Variants in ATG9B observed in about 807,000 individuals in gnomAD.
ATG9B encodes autophagy-related protein 9B.
ATG9B carries 92 observed loss-of-function variants against 92.9 expected under a neutral mutation model. That is an observed-to-expected ratio of 0.99 (90% confidence interval 0.84 to 1.18). The LOEUF (loss-of-function observed/expected upper bound fraction) is 1.18. Among genes scored for constraint, ATG9B ranks in the 50% most tolerant of loss-of-function variants. ATG9B has a pLI of 0.00. For missense variants in ATG9B, 1,344 were observed against 1,235.0 expected, an observed-to-expected ratio of 1.09 and a Z score of -1.32; for synonymous variants, 599 against 551.4, an observed-to-expected ratio of 1.09 and a Z score of -1.21.
downstream of ATG9B, chr7:151,012,631 G>A (rs1408393393): frequency 2.4e-6 from 2 of 830,324 alleles, no homozygotes; most frequent in Non-Finnish European, 3.6e-6. Flanking sequence ...GGTACCAAAG[G>A]CAAGGGCTGG....
intron 4 of ATG9B, among the ~76,000 whole-genome samples, 159 bp downstream of exon 4, chr7:151,022,866 TTTAAGTACAACTTAATACAC>T (rs1795801637): frequency 6.6e-6 from 1 of 151,434 alleles, no homozygotes; most frequent in African/African-American, 2.5e-5. Context: ...CTTAATACAC[TTTAAGTACAACTTAATACAC>T]TTAAGTACAA....
chr7:151,017,470 C>T (rs1795548643), intron 8 of ATG9B, among the ~76,000 whole-genome samples, 198 bp from the exon 9 acceptor site: 1 of 152,144 alleles, frequency 6.6e-6, no homozygotes, highest in Non-Finnish European at 1.5e-5. Flanking sequence ...ATTGCCAGCT[C>T]GGGGATAGGG....
rs1314142300 is a variant in ATG9B at position 151,017,166 on chromosome 7, G to A, written c.2159C>T (p.Pro720Leu). 1 of 1,613,190 alleles carries A rather than the reference G, an allele frequency of 6.2e-7. No individual in the cohort carries two copies. Among genetic ancestry groups the A allele is most frequent in the Non-Finnish European group, 8.5e-7 (1 of 1,179,832 alleles). Residue 720 changes from proline (P) to leucine (L), a missense_variant, in exon 9 of 14, where the codon CCC (proline) becomes CTC (leucine). Coordinates refer to ENST00000639579, the MANE Select transcript of ATG9B (RefSeq NM_001317056.2). The stretch of plus-strand genomic sequence containing the variant: ...AAGAAACTTAGAGCTGTGCCCTGGG[G>A]GGCGCCAGAGTGGATGCGCCAGGGA... ...RFSLAHPLWR[P>L]PGHSSKFLGH...
rs937279026 is a variant in ATG9B, at chr7:151,016,031, A to G, written c.2648-8T>C. 11 of 1,551,192 alleles carry G rather than the reference A, an allele frequency of 7.1e-6. No homozygotes were observed. The African/African-American group carries it at 1.4e-4, about 19-fold the overall frequency. ...TAGAGGCAGGACTGGAGCCTGGTGA[A>G]AAAGGCCATCAGCTGGGCAGTTCCA... On this transcript the variant is annotated splice_region_variant and splice_polypyrimidine_tract_variant and intron_variant, in intron 12 of 13. Coordinates refer to ENST00000639579, the MANE Select transcript of ATG9B (RefSeq NM_001317056.2).
chr7:151,015,712 A>G lies in ATG9B; in HGVS notation c.*16T>C. On this transcript the variant is annotated splice_region_variant and 3_prime_UTR_variant, in exon 14 of 14. Coordinates refer to ENST00000639579, the MANE Select transcript of ATG9B (RefSeq NM_001317056.2). ...CTCCTGTGGCTGCCGAAGCCAGGGT[A>G]CCTGTGGGAGGAGACGGCTCTTGGC... 2.3e-6 allele frequency: 2 copies of G among 880,506 alleles called. No homozygotes were observed. The highest frequency in any genetic ancestry group is 1.6e-6 in the Non-Finnish European group (1 of 626,904). The allele number at this position is 880,506 out of a possible 1,614,324, so 54.5% of individuals were successfully genotyped here.
chr7:151,016,867 A>G (rs1795513047), intron 9 of ATG9B, 46 bp from the exon 10 acceptor site: 2 of 1,574,238 alleles, frequency 1.3e-6, no homozygotes, highest in African/African-American at 1.4e-5. Flanking sequence ...GTCAGAAGAG[A>G]GGACAGAAAC....
At chr7:151,013,201 G>C, downstream of ATG9B, 1 of 1,599,902 alleles carries the variant, frequency 6.3e-7, no homozygotes, top group Non-Finnish European at 8.5e-7. Context: ...CCCCGGAGAA[G>C]AGCCTTCCCA....
rs1795646799 is a variant in ATG9B, at chr7:151,019,078, G to T, written c.1260C>A (p.His420Gln). ...SLFRGGWELP[H>Q]AYKRSDQRGA... Reference sequence around the variant, plus strand: ...CCCGCTGGTCGCTGCGCTTGTAGGCGTGCGGCAGCTCCCAGCCCCCGCGGA... The same window carrying T: ...CCCGCTGGTCGCTGCGCTTGTAGGCTTGCGGCAGCTCCCAGCCCCCGCGGA... The change falls in exon 6 of 14, where the codon CAC becomes CAA. Residue 420 changes from histidine to glutamine, a missense_variant. Physicochemically the swap from His to Gln is conservative, Grantham distance 24 (BLOSUM62 0). Transcript: ENST00000639579. The T allele has an allele frequency of 6.5e-7, 1 of 1,536,116 alleles. No individual in the cohort carries two copies.
chr7:151,019,859 TA>T lies in ATG9B; in HGVS notation c.964-486del, dbSNP rs199827142. On this transcript the variant is annotated intron_variant, in intron 5 of 13. Coordinates refer to ENST00000639579, the MANE Select transcript of ATG9B (RefSeq NM_001317056.2). ...CAACATGGTGAGACACTGTCTCTAC[TA>T]AAAATACAAAAAATAGCAGGGCGTG... is the stretch of plus-strand genomic sequence containing the variant. 7.6e-3 allele frequency: 1,179 copies of T among 154,530 alleles called. 19 individuals carry two copies. Among genetic ancestry groups the T allele is most frequent in the African/African-American group, 0.027 (1,129 of 41,612 alleles). The allele number at this position is 154,530 out of a possible 1,614,324, so 9.6% of individuals were successfully genotyped here.
Position 151,019,284 on chromosome 7 carries a change from G to A in ATG9B, c.1054C>T (p.Leu352=). 6.3e-7 allele frequency: 1 copy of A among 1,586,640 alleles called. No individual in the cohort carries two copies. Among genetic ancestry groups the A allele is most frequent in the Non-Finnish European group, 8.5e-7 (1 of 1,174,040 alleles). The change falls in exon 6 of 14, where the codon CTG becomes TTG. Residue 352 remains leucine (L), a synonymous_variant. Coordinates refer to ENST00000639579, the MANE Select transcript of ATG9B (RefSeq NM_001317056.2). ...CGGTGGTGGATGTCCAGCTCCGTCA[G>A]GGGCCGCGGCTGCACGCACAGGCCC... ...SGGLCVQPRP[L]TELDIHHRIL...
Position 151,018,735 on chromosome 7 carries a change from C to G in ATG9B, c.1603G>C (p.Ala535Pro). The G allele has an allele frequency of 1.3e-6, 2 of 1,574,976 alleles. No individual in the cohort carries two copies. The highest frequency in any genetic ancestry group is 1.7e-6 in the Non-Finnish European group (2 of 1,165,516). Residue 535 changes from alanine (A) to proline (P), a missense_variant, in exon 6 of 14, where the codon GCG becomes CCG. Physicochemically the swap from Ala to Pro is conservative, Grantham distance 27. Transcript: ENST00000639579. The surrounding 1 kb of genome is among the most constrained non-coding windows in gnomAD (Gnocchi z 4.7). ...AGCAGCGCGGCGAAGAGTGCACCCGCGAAGAAAACGAGCTGGCGGGCCAGC... is the reference window on the plus strand; with the variant it reads ...AGCAGCGCGGCGAAGAGTGCACCCGGGAAGAAAACGAGCTGGCGGGCCAGC... ...TLLARQLVFF[A>P]GALFAALLVL...
downstream of ATG9B, chr7:151,013,038 C>T (rs778638071): frequency 3.2e-6 from 2 of 619,730 alleles, no homozygotes; most frequent in African/African-American, 1.9e-5. Context: ...CGCTTCCCTT[C>T]CCTCTGTAAA....
At chr7:151,016,079 T>C in intron 12 of ATG9B, 30 bp downstream of exon 12, 2 of 1,545,044 alleles carry the variant, frequency 1.3e-6, no homozygotes, top group South Asian at 1.2e-5. Context: ...TCCACCAGGC[T>C]CTGTCCCCTG....
rs1423230371 is a variant in ATG9B, at chr7:151,015,892, C to T, written c.*4G>A. The T allele has an allele frequency of 1.5e-5, 23 of 1,550,794 alleles. No individual in the cohort carries two copies. Among genetic ancestry groups the T allele is most frequent in the Non-Finnish European group, 1.7e-5 (20 of 1,146,636 alleles). ...GGAGGCAATACTGACCCTGAGGAGT[C>T]GTCTCAGTCAGTGCAAGAGGCCCGG... On this transcript the variant is annotated 3_prime_UTR_variant, in exon 13 of 14. Transcript: ENST00000639579.
chr7:151,019,543 C>T (rs1795672152), intron 5 of ATG9B, among the ~76,000 whole-genome samples, 169 bp from the exon 6 acceptor site: 1 of 152,172 alleles, frequency 6.6e-6, no homozygotes, highest in South Asian at 2.1e-4. Flanking sequence ...CTCTTTCTGC[C>T]CTCCCTTAAC....
chr7:151,022,546 G>A (rs1398637879), intron 4 of ATG9B, among the ~76,000 whole-genome samples: 2 of 151,554 alleles, frequency 1.3e-5, no homozygotes, highest in Non-Finnish European at 2.9e-5. Flanking sequence ...TTAATGCACT[G>A]TAATTAAGAT....
downstream of ATG9B, chr7:151,013,636 CTT>C (rs1298873532): frequency 8.4e-6 from 11 of 1,302,146 alleles, no homozygotes; most frequent in Non-Finnish European, 1.0e-5. Context: ...GCTCCGGAGA[CTT>C]TCACGTCCAG....
chr7:151,014,478 G>C (rs1795399030), downstream of ATG9B: 2 of 389,488 alleles, frequency 5.1e-6, no homozygotes, highest in South Asian at 1.3e-4. Context: ...TCTCTCAGGA[G>C]TATCTTACCT....
rs1563246838 is a variant in ATG9B at position 151,016,831 on chromosome 7, A to G, written c.2290-10T>C. 5 of 1,598,216 alleles carry G rather than the reference A, an allele frequency of 3.1e-6. No homozygotes were observed. The highest frequency in any genetic ancestry group is 3.5e-5 in the Admixed American group (2 of 57,536). On this transcript the variant is annotated splice_polypyrimidine_tract_variant and intron_variant, in intron 9 of 13. Coordinates refer to ENST00000639579, the MANE Select transcript of ATG9B (RefSeq NM_001317056.2). ...CCAGGAAGGCCTCAGGCTGGGTGCA[A>G]GAGGAGAGGGAAAGCCAAAGAGGGA...
Sources: gnomAD v4.1 joint callset for allele counts (sites outside exome capture counted in the v4.1 genomes callset) on GRCh38, gnomAD v4.1.1 for gene constraint, Gnocchi (gnomAD v3.1) non-coding constraint, MANE v1.5 for transcripts, NCBI Gene and HGNC (gene_info 2026-07-23, HGNC 2026-07-21) for gene names.